SLC36A1: variants seen among roughly 807,000 people sequenced by gnomAD.
SLC36A1 encodes solute carrier family 36 member 1.
A neutral mutation model predicts 47.5 loss-of-function variants in SLC36A1; 30 were observed. The ratio of observed to expected loss-of-function variants is 0.63; its 90% CI spans 0.47 to 0.86. The LOEUF (loss-of-function observed/expected upper bound fraction) is 0.86, where lower values mean the gene tolerates loss of function less well. Among genes scored for constraint, SLC36A1 ranks in the 40% least tolerant of loss-of-function variants. The pLI is 0.00. For missense variants in SLC36A1, 517 were observed against 606.0 expected (o/e 0.85, Z 1.54); for synonymous variants, 255 against 249.7 (o/e 1.02, Z -0.20).
chr5:151,408,752 T>A, the SLC36A1 span, among the ~76,000 whole-genome samples: 5 of 152,210 alleles, frequency 3.3e-5, no homozygotes, highest in African/African-American at 1.2e-4. Flanking sequence ...TGACGAGGAC[T>A]GACAGCTGGA....
At chr5:151,493,770 G>T (rs552979124), downstream of SLC36A1, among the ~76,000 whole-genome samples, 1 of 152,162 alleles carries the variant, frequency 6.6e-6, no homozygotes, top group African/African-American at 2.4e-5. Context: ...TTCCCAAGGC[G>T]CTGGCTGCCT....
At chr5:151,522,222 A>G in the SLC36A1 span, 2 of 610,724 alleles carry the variant, frequency 3.3e-6, no homozygotes, top group African/African-American at 3.9e-5. Flanking sequence ...GCATTGTTGC[A>G]TTTAGAAAAA....
the SLC36A1 span, among the ~76,000 whole-genome samples, chr5:151,368,061 A>G: frequency 6.6e-6 from 1 of 152,224 alleles, no homozygotes; most frequent in Admixed American, 6.5e-5. Flanking sequence ...AACCACCTGC[A>G]TTTGATTTGA....
the SLC36A1 span, among the ~76,000 whole-genome samples, chr5:151,393,223 A>G: frequency 6.6e-6 from 1 of 151,628 alleles, no homozygotes; most frequent in African/African-American, 2.4e-5. Context: ...TAGGATTGCA[A>G]CCCCTGCCTT....
the SLC36A1 span, chr5:151,507,089 G>T: frequency 1.2e-4 from 169 of 1,390,236 alleles, no homozygotes; most frequent in East Asian, 3.5e-3. Flanking sequence ...TCAGATAACG[G>T]AGTGTTTAGA....
the SLC36A1 span, among the ~76,000 whole-genome samples, chr5:151,415,903 C>T: frequency 7.2e-5 from 11 of 152,192 alleles, no homozygotes; most frequent in Non-Finnish European, 1.2e-4. Flanking sequence ...GTCAGGAGTT[C>T]GAGACCAGCC....
chr5:151,468,308 A>G lies in SLC36A1; in HGVS notation c.723+383A>G, dbSNP rs1332061468. ...ATATATATATATTTTATATATATATATTTACATATATGTGTATATGTTATT... is the reference window on the plus strand; with the variant it reads ...ATATATATATATTTTATATATATATGTTTACATATATGTGTATATGTTATT... On this transcript the variant is annotated intron_variant, in intron 7 of 10. Coordinates refer to ENST00000243389, the MANE Select transcript of SLC36A1 (RefSeq NM_078483.4). 1.1e-4 allele frequency among the ~76,000 whole-genome samples: 12 copies of G among 110,102 alleles called. 1 individual carries two copies. Among genetic ancestry groups the G allele is most frequent in the African/African-American group, 4.2e-4 (12 of 28,798 alleles). The allele number at this position is 110,102 out of a possible 152,430, so 72.2% of individuals were successfully genotyped here.
At chr5:151,547,592 G>A in the SLC36A1 span, among the ~76,000 whole-genome samples, 1 of 152,212 alleles carries the variant, frequency 6.6e-6, no homozygotes, top group African/African-American at 2.4e-5. Flanking sequence ...CACCTTTGAA[G>A]CCCTTCTCCA....
chr5:151,499,190 A>G, the SLC36A1 span, among the ~76,000 whole-genome samples: 1 of 152,314 alleles, frequency 6.6e-6, no homozygotes, highest in East Asian at 1.9e-4. Context: ...GAATTTTGAG[A>G]AAAGTTTTAA....
At chr5:151,417,294 T>G in the SLC36A1 span, among the ~76,000 whole-genome samples, 107 of 152,310 alleles carry the variant, frequency 7.0e-4, no homozygotes, top group African/African-American at 2.6e-3. Flanking sequence ...TCCTAGAGGC[T>G]TGTTGAATTG....
chr5:151,537,925 G>T, the SLC36A1 span: 1 of 1,614,140 alleles, frequency 6.2e-7, no homozygotes, highest in Non-Finnish European at 8.5e-7. Context: ...ACATCTTCAT[G>T]AACCTTGCCA....
chr5:151,511,950 C>A, the SLC36A1 span: 2 of 578,218 alleles, frequency 3.5e-6, no homozygotes, highest in South Asian at 4.3e-5. Context: ...CTCATCCCCC[C>A]AGAAGTAGAA....
chr5:151,509,908 G>A, the SLC36A1 span: 2 of 1,272,998 alleles, frequency 1.6e-6, no homozygotes, highest in African/African-American at 3.0e-5. Flanking sequence ...AGGCCTAGAA[G>A]CCAGGTCCCT....
At chr5:151,453,284 ATT>A (rs375198282) in intron 1 of SLC36A1, among the ~76,000 whole-genome samples, 9 of 150,948 alleles carry the variant, frequency 6.0e-5, no homozygotes, top group Non-Finnish European at 1.0e-4. Context: ...CCAGAAATCT[ATT>A]TTTTTTTCCT....
chr5:151,519,363 C>A, the SLC36A1 span, among the ~76,000 whole-genome samples: 6 of 152,064 alleles, frequency 3.9e-5, no homozygotes, highest in Non-Finnish European at 8.8e-5. Context: ...AACAAAAATC[C>A]AAACAAGTCC....
At chr5:151,555,558 T>C in the SLC36A1 span, among the ~76,000 whole-genome samples, 1 of 151,816 alleles carries the variant, frequency 6.6e-6, no homozygotes, top group African/African-American at 2.4e-5. Flanking sequence ...TTAGTACAGA[T>C]GGGGTTTCAT....
intron 5 of SLC36A1, among the ~76,000 whole-genome samples, 200 bp downstream of exon 5, chr5:151,465,369 T>G (rs1756196973): frequency 6.6e-6 from 1 of 152,228 alleles, no homozygotes; most frequent in East Asian, 1.9e-4. Flanking sequence ...GTTTTAGTTT[T>G]CTTATCAGGA....
At chr5:151,543,434 T>C in the SLC36A1 span, 1 of 1,614,180 alleles carries the variant, frequency 6.2e-7, no homozygotes, top group East Asian at 2.2e-5. Context: ...AAGGCTACTC[T>C]TCCTCCTCCA....
At chr5:151,391,908 T>C in the SLC36A1 span, among the ~76,000 whole-genome samples, 2 of 152,248 alleles carry the variant, frequency 1.3e-5, no homozygotes, top group Non-Finnish European at 2.9e-5. Flanking sequence ...AAGATGATGC[T>C]GGCCTCATAA....
Sources: allele counts gnomAD v4.1 joint callset (sites outside exome capture counted in the v4.1 genomes callset), GRCh38; gene constraint gnomAD v4.1.1; transcripts MANE v1.5; gene names NCBI Gene and HGNC (gene_info 2026-07-23, HGNC 2026-07-21).